Variants in GPR142 observed in about 807,000 individuals in gnomAD.
The protein encoded by GPR142 is G-protein coupled receptor 142 long form.
Under a neutral mutation model 10.6 loss-of-function variants are expected in GPR142, and 9 were observed. The observed-to-expected ratio is 0.85, with a 90% CI of 0.51 to 1.48. The LOEUF (loss-of-function observed/expected upper bound fraction) is 1.48, where lower values mean the gene tolerates loss of function less well. GPR142 is among the 40% of genes most tolerant of loss of function. The probability of loss-of-function intolerance (pLI) is 0.00; values close to 1 mark genes in which losing one functional copy is unlikely to be tolerated. For synonymous variants in GPR142, 202 were observed against 221.2 expected, an observed-to-expected ratio of 0.91 and a Z score of 0.77; for missense variants, 482 against 506.0, an observed-to-expected ratio of 0.95 and a Z score of 0.45.
At chr17:74,370,002 G>T (rs1185951477) in intron 2 of GPR142, among the ~76,000 whole-genome samples, 1 of 152,168 alleles carries the variant, frequency 6.6e-6, no homozygotes, top group Non-Finnish European at 1.5e-5. Context: ...CCTTAGAGGG[G>T]GACAGCTGTT....
In GPR142 at chr17:74,372,330, G is replaced by T; in HGVS notation, c.855G>T (p.Arg285=). 6.2e-7 allele frequency: 1 copy of T among 1,613,908 alleles called. No homozygotes were observed. Among genetic ancestry groups the T allele is most frequent in the South Asian group, 1.1e-5 (1 of 91,068 alleles). ...TGTTCACCCTCCTGTGGGCGCCCCG[G>T]GTCTTCGTCATGCTCTACCACATGT... ...TTLFTLLWAP[R]VFVMLYHMYV... Residue 285 remains arginine (R), a synonymous_variant, in exon 4 of 4, where the codon CGG becomes CGT. Transcript: ENST00000582579.
chr17:74,369,185 GC>G (rs2055004333), intron 1 of GPR142, among the ~76,000 whole-genome samples: 2 of 151,734 alleles, frequency 1.3e-5, no homozygotes, highest in Non-Finnish European at 2.9e-5. Context: ...CTCACAGAGT[GC>G]CCCGGGGCAC....
At chr17:74,370,452 G>T in intron 2 of GPR142, 69 bp from the exon 3 acceptor site, 1 of 1,520,830 alleles carries the variant, frequency 6.6e-7, no homozygotes, top group Non-Finnish European at 8.9e-7. Context: ...CCCAGGTCAG[G>T]GCGGGGCTGC....
At position 74,372,353 on chromosome 17, in the gene GPR142, T is replaced by C. The variant is rs999647128; in HGVS notation, c.878T>C (p.Met293Thr). ...APRVFVMLYHMYVAPVHRDWR... is the reference protein window; with the variant it reads ...APRVFVMLYHTYVAPVHRDWR... ...CGGGTCTTCGTCATGCTCTACCACA[T>C]GTACGTGGCCCCTGTCCACCGGGAC... The change falls in exon 4 of 4, where the codon ATG (methionine) becomes ACG (threonine). Residue 293 changes from methionine (M) to threonine (T), a missense_variant. Coordinates refer to ENST00000582579, the MANE Select transcript of GPR142 (RefSeq NM_001331076.1). 1.1e-5 allele frequency: 18 copies of C among 1,614,004 alleles called. No individual in the cohort carries two copies. The highest frequency in any genetic ancestry group is 1.7e-5 in the Admixed American group (1 of 60,010).
rs1342499061 is a variant in GPR142, at chr17:74,370,644, T to A, written c.218T>A (p.Ile73Asn). 3 of 1,613,950 alleles carry A rather than the reference T, an allele frequency of 1.9e-6. No individual in the cohort carries two copies. The highest frequency in any genetic ancestry group is 2.2e-5 in the South Asian group (2 of 91,062). ...SPCVAGVIPV[I>N]YYSVLLGLGL... ...TGTGTGGCTGGCGTCATCCCTGTCATCTACTACAGTGTCCTGCTGGGCTTG... is the reference window on the plus strand; with the variant it reads ...TGTGTGGCTGGCGTCATCCCTGTCAACTACTACAGTGTCCTGCTGGGCTTG... Residue 73 changes from isoleucine to asparagine, a missense_variant, in exon 3 of 4, where the codon ATC becomes AAC. By Grantham distance (149) the Ile-to-Asn change is moderately radical. Transcript: ENST00000582579.
Position 74,371,969 on chromosome 17 carries a change from C to T in GPR142, c.494C>T (p.Thr165Met), listed in dbSNP as rs756581478. ...HASVWIAILL[T>M]VDRYTALCHP... ...TCAGTCTGGATCGCCATCCTGCTCACGGTTGACCGCTACACTGCCCTGTGC... is the reference window on the plus strand; with the variant it reads ...TCAGTCTGGATCGCCATCCTGCTCATGGTTGACCGCTACACTGCCCTGTGC... Residue 165 changes from threonine to methionine, a missense_variant, in exon 4 of 4, where the codon ACG (threonine) becomes ATG (methionine). By Grantham distance (81) the Thr-to-Met change is moderately conservative. Transcript: ENST00000582579. 9.3e-6 allele frequency: 15 copies of T among 1,612,640 alleles called. No individual in the cohort carries two copies. Among genetic ancestry groups the T allele is most frequent in the African/African-American group, 4.0e-5 (3 of 74,944 alleles).
At position 74,367,710 on chromosome 17, in the gene GPR142, C is replaced by A. The variant is rs190661216; in HGVS notation, c.-158C>A. 8.1e-6 allele frequency: 13 copies of A among 1,611,152 alleles called. 1 individual carries two copies. In the East Asian group the frequency reaches 2.9e-4, roughly 36 times the overall value. On this transcript the variant is annotated 5_prime_UTR_variant, in exon 1 of 4. Transcript: ENST00000582579. ...GGTCACAGGGGGAAGCTGGGACCTC[C>A]GAATAAGGCCATCCAAGGACTCCAG...
rs1156918117 is a variant in GPR142 at position 74,367,785 on chromosome 17, G to C, written c.-83G>C. ...TGCCTCCCAGAACAGGCCTTCTATG[G>C]GGTGGGATGGTAAGTTGCTGGAAGG... On this transcript the variant is annotated 5_prime_UTR_variant, in exon 1 of 4. Coordinates refer to ENST00000582579, the MANE Select transcript of GPR142 (RefSeq NM_001331076.1). The C allele has an allele frequency of 1.9e-6, 3 of 1,601,744 alleles. No individual in the cohort carries two copies. Among genetic ancestry groups the C allele is most frequent in the Non-Finnish European group, 2.6e-6 (3 of 1,172,856 alleles).
rs764660968 is a variant in GPR142, at chr17:74,370,628, G to A, written c.202G>A (p.Gly68Ser). Reference sequence around the variant, plus strand: ...CGCAGAGAGGTCCCCGTGTGTGGCTGGCGTCATCCCTGTCATCTACTACAG... The same window carrying A: ...CGCAGAGAGGTCCCCGTGTGTGGCTAGCGTCATCCCTGTCATCTACTACAG... Reference protein sequence around the residue: ...EIAERSPCVAGVIPVIYYSVL... With the variant: ...EIAERSPCVASVIPVIYYSVL... The change falls in exon 3 of 4, where the codon GGC (glycine) becomes AGC (serine). Residue 68 changes from glycine (G) to serine (S), a missense_variant. Gly to Ser is a moderately conservative substitution (Grantham distance 56). Transcript: ENST00000582579. 6.8e-6 allele frequency: 11 copies of A among 1,613,970 alleles called. No homozygotes were observed. In the Admixed American group the frequency reaches 1.0e-4, roughly 15 times the overall value.
chr17:74,371,159 C>CTTTT (rs3050698), intron 3 of GPR142, among the ~76,000 whole-genome samples: 39,280 of 123,444 alleles, frequency 0.32, 7,916 homozygotes, highest in South Asian at 0.43. Context: ...GGACAGGTAG[C>CTTTT]TTTTTTTTTT....
At chr17:74,371,159 CTT>C (rs3050698) in intron 3 of GPR142, among the ~76,000 whole-genome samples, 1 of 124,084 alleles carries the variant, frequency 8.1e-6, no homozygotes, top group Admixed American at 9.1e-5. Context: ...GGACAGGTAG[CTT>C]TTTTTTTTTT....
intron 2 of GPR142, among the ~76,000 whole-genome samples, chr17:74,370,176 G>C (rs1270786964): frequency 8.6e-6 from 1 of 115,834 alleles, no homozygotes; most frequent in Admixed American, 8.8e-5. Flanking sequence ...CCAGGAGCCT[G>C]CACCTCGACA....
Position 74,367,813 on chromosome 17 carries a change from G to C in GPR142, c.-74+19G>C. ...TGGGATGGTAAGTTGCTGGAAGGACGTGCATGGGGCATCATTGTAGCAAAC... is the reference window on the plus strand; with the variant it reads ...TGGGATGGTAAGTTGCTGGAAGGACCTGCATGGGGCATCATTGTAGCAAAC... On this transcript the variant is annotated intron_variant, in intron 1 of 3. Transcript: ENST00000582579. 6.4e-7 allele frequency: 1 copy of C among 1,573,228 alleles called. No homozygotes were observed. The highest frequency in any genetic ancestry group is 8.6e-7 in the Non-Finnish European group (1 of 1,159,384).
chr17:74,368,547 A>G (rs942806480), intron 1 of GPR142, among the ~76,000 whole-genome samples: 3 of 152,234 alleles, frequency 2.0e-5, no homozygotes, highest in African/African-American at 7.2e-5. Context: ...GAAGCTCCCT[A>G]TATTTCCTGC....
intron 1 of GPR142, among the ~76,000 whole-genome samples, chr17:74,368,222 TGAA>T (rs1483812808): frequency 6.6e-6 from 1 of 152,102 alleles, no homozygotes; most frequent in Non-Finnish European, 1.5e-5. Context: ...GGCAGCTCCT[TGAA>T]GAGAGGGTCA....
chr17:74,370,697 G>A lies in GPR142; in HGVS notation c.253+18G>A, dbSNP rs2055017671. 4.4e-6 allele frequency: 7 copies of A among 1,602,626 alleles called. No homozygotes were observed. The highest frequency in any genetic ancestry group is 4.5e-5 in the East Asian group (2 of 44,586). On this transcript the variant is annotated intron_variant, in intron 3 of 3. Transcript: ENST00000582579. ...GCTGCCTGGTGAGTGGGGAGCTGGG[G>A]TCTGGGGACTTGGGCTTGGCCAGAA...
Position 74,370,568 on chromosome 17 carries a change from C to G in GPR142, c.142C>G (p.Leu48Val). 6.2e-7 allele frequency: 1 copy of G among 1,612,084 alleles called. No individual in the cohort carries two copies. Among genetic ancestry groups the G allele is most frequent in the Non-Finnish European group, 8.5e-7 (1 of 1,179,126 alleles). The change falls in exon 3 of 4, where the codon CTG (leucine) becomes GTG (valine). Residue 48 changes from leucine to valine, a missense_variant. By Grantham distance (32) the Leu-to-Val change is conservative. Coordinates refer to ENST00000582579, the MANE Select transcript of GPR142 (RefSeq NM_001331076.1). ...GCTGCCCACGCCCCACGTCAGCGGG[C>G]TGAGCCAGGAGTTTGAAAGCCACTG... The part of the protein sequence containing the change: ...TLLPTPHVSG[L>V]SQEFESHWPE...
chr17:74,367,787 G>A lies in GPR142; in HGVS notation c.-81G>A. On this transcript the variant is annotated 5_prime_UTR_variant, in exon 1 of 4. In the 5' UTR this introduces an upstream ATG that the reference lacks. Coordinates refer to ENST00000582579, the MANE Select transcript of GPR142 (RefSeq NM_001331076.1). ...CCTCCCAGAACAGGCCTTCTATGGG[G>A]TGGGATGGTAAGTTGCTGGAAGGAC... 15 of 1,601,514 alleles carry A rather than the reference G, an allele frequency of 9.4e-6. No homozygotes were observed. Among genetic ancestry groups the A allele is most frequent in the Non-Finnish European group, 1.3e-5 (15 of 1,172,678 alleles).
chr17:74,371,492 AC>A (rs34581404), intron 3 of GPR142, among the ~76,000 whole-genome samples: 52,729 of 151,720 alleles, frequency 0.35, 9,222 homozygotes, highest in South Asian at 0.42. Flanking sequence ...TTCCATGTGC[AC>A]TTACCTGTGC....
Sources: allele counts gnomAD v4.1 joint callset (sites outside exome capture counted in the v4.1 genomes callset), GRCh38; gene constraint gnomAD v4.1.1; transcripts MANE v1.5; gene names NCBI Gene and HGNC (gene_info 2026-07-23, HGNC 2026-07-21).